Variants in OXCT1 observed in about 807,000 individuals in gnomAD.
OXCT1 encodes the protein 3-oxoacid CoA-transferase 1, also known as succinyl-CoA:3-ketoacid coenzyme A transferase 1, mitochondrial.
OXCT1 carries 27 observed loss-of-function variants against 69.6 expected under a neutral mutation model. The observed-to-expected ratio is 0.39, with a 90% CI of 0.29 to 0.54. The LOEUF (loss-of-function observed/expected upper bound fraction) is 0.54, where lower values mean the gene tolerates loss of function less well. OXCT1 is among the 20% of genes least tolerant of loss of function. OXCT1 has a pLI of 0.72. For synonymous variants in OXCT1, 202 were observed against 217.8 expected (o/e 0.93, Z 0.64); for missense variants, 437 against 650.2 (o/e 0.67, Z 3.57).
chr5:41,755,030 A>G (rs1382267038), intron 14 of OXCT1, among the ~76,000 whole-genome samples: 1 of 152,064 alleles, frequency 6.6e-6, no homozygotes, highest in African/African-American at 2.4e-5. Flanking sequence ...GTTGCGTCCT[A>G]TGATCTCTAA....
At chr5:41,731,909 C>T (rs1742652477) in intron 16 of OXCT1, 139 bp from the exon 17 acceptor site, 1 of 1,092,754 alleles carries the variant, frequency 9.2e-7, no homozygotes, top group South Asian at 1.4e-5. Context: ...ATATGATTTT[C>T]CATCCTGAAA....
intron 16 of OXCT1, among the ~76,000 whole-genome samples, chr5:41,737,289 G>A (rs1742931694): frequency 6.6e-6 from 1 of 152,210 alleles, no homozygotes; most frequent in Non-Finnish European, 1.5e-5. Context: ...CTGAAATTGA[G>A]AGGGTCTACA....
chr5:41,769,554 C>T (rs2112132489), intron 13 of OXCT1, among the ~76,000 whole-genome samples: 1 of 144,828 alleles, frequency 6.9e-6, no homozygotes, highest in South Asian at 2.3e-4. Flanking sequence ...AAGACCCTAT[C>T]TCTACCAAAA....
At chr5:41,773,999 G>T (rs1276970174) in intron 13 of OXCT1, among the ~76,000 whole-genome samples, 1 of 152,122 alleles carries the variant, frequency 6.6e-6, no homozygotes, top group Admixed American at 6.6e-5. Context: ...TAAGTGAGAG[G>T]ACTTTATTCC....
At chr5:41,789,187 T>A (rs1745795924) in intron 13 of OXCT1, among the ~76,000 whole-genome samples, 1 of 152,204 alleles carries the variant, frequency 6.6e-6, no homozygotes, top group Non-Finnish European at 1.5e-5. Flanking sequence ...ACGGTAAATA[T>A]TTTAGGCTTT....
At chr5:41,754,828 G>T (rs1487340295) in intron 14 of OXCT1, among the ~76,000 whole-genome samples, 1 of 151,894 alleles carries the variant, frequency 6.6e-6, no homozygotes, top group Non-Finnish European at 1.5e-5. Flanking sequence ...AAAAGTTTGT[G>T]GTTACAGGTA....
At chr5:41,842,324 G>A (rs1432684834) in intron 6 of OXCT1, among the ~76,000 whole-genome samples, 3 of 152,038 alleles carry the variant, frequency 2.0e-5, no homozygotes, top group Non-Finnish European at 4.4e-5. Context: ...GACAATACAT[G>A]TAAATTACAA....
intron 13 of OXCT1, among the ~76,000 whole-genome samples, chr5:41,778,043 C>T (rs1342714593): frequency 6.6e-6 from 1 of 152,176 alleles, no homozygotes; most frequent in Non-Finnish European, 1.5e-5. Flanking sequence ...ATGGCTAAAA[C>T]ATGTACTTGA....
chr5:41,860,443 A>G (rs571051441), intron 3 of OXCT1, among the ~76,000 whole-genome samples: 1 of 152,298 alleles, frequency 6.6e-6, no homozygotes, highest in South Asian at 2.1e-4. Flanking sequence ...TACTTTGAGG[A>G]TATACAACTT....
chr5:41,848,320 G>T (rs1217214340), intron 5 of OXCT1, among the ~76,000 whole-genome samples: 1 of 149,318 alleles, frequency 6.7e-6, no homozygotes, highest in African/African-American at 2.4e-5. Context: ...ATGCTCATGG[G>T]TAGGAAGAAT....
At chr5:41,781,608 C>T (rs1475746804) in intron 13 of OXCT1, among the ~76,000 whole-genome samples, 1 of 152,140 alleles carries the variant, frequency 6.6e-6, no homozygotes, top group African/African-American at 2.4e-5. Context: ...CTCTCGCTCC[C>T]CCCATACCCC....
In OXCT1 at chr5:41,731,580, C is replaced by T. The variant is rs1006964125; in HGVS notation, c.*149G>A. On this transcript the variant is annotated 3_prime_UTR_variant, in exon 17 of 17. Transcript: ENST00000196371. ...AAAATGTCACAGCATGCCTAGAGAA[C>T]AGTTTATATGGCTGCATAAAGTCTG... The T allele has an allele frequency of 3.5e-6, 4 of 1,139,844 alleles. No individual in the cohort carries two copies. In the Admixed American group the frequency reaches 7.4e-5, roughly 21 times the overall value. The allele number at this position is 1,139,844 out of a possible 1,614,324, so 70.6% of individuals were successfully genotyped here.
Position 41,733,621 on chromosome 5 carries a change from G to A in OXCT1, c.1522-1851C>T, listed in dbSNP as rs900257532. 8.5e-5 allele frequency among the ~76,000 whole-genome samples: 13 copies of A among 152,216 alleles called. 1 individual carries two copies. The South Asian group carries it at 1.2e-3, about 15-fold the overall frequency. On this transcript the variant is annotated intron_variant, in intron 16 of 16. Coordinates refer to ENST00000196371, the MANE Select transcript of OXCT1 (RefSeq NM_000436.4). ...TAGCACTTCCTTTAAAAAGAAACTG[G>A]ACACATTAATTTTTTTAACTAAACA...
intron 16 of OXCT1, among the ~76,000 whole-genome samples, chr5:41,735,124 T>A (rs1348465739): frequency 6.6e-6 from 1 of 152,188 alleles, no homozygotes; most frequent in Admixed American, 6.5e-5. Flanking sequence ...AAGCAGAATG[T>A]CAAAGAGATA....
At position 41,853,563 on chromosome 5, in the gene OXCT1, A is replaced by C; in HGVS notation, c.279-9T>G. The C allele has an allele frequency of 1.9e-6, 3 of 1,613,506 alleles. No individual in the cohort carries two copies. The highest frequency in any genetic ancestry group is 2.5e-6 in the Non-Finnish European group (3 of 1,179,628). ...AACCAAAATTGTCAACCCTAGAAGG[A>C]AAATGAAGGGAGCTTACCAAAGAGC... On this transcript the variant is annotated splice_polypyrimidine_tract_variant and intron_variant, in intron 3 of 16. Transcript: ENST00000196371.
intron 13 of OXCT1, among the ~76,000 whole-genome samples, chr5:41,765,140 C>T (rs76887696): frequency 6.6e-5 from 10 of 152,264 alleles, no homozygotes; most frequent in African/African-American, 2.4e-4. Context: ...CATCATCATC[C>T]TTCACTCCAG....
At chr5:41,778,080 A>G (rs1416913051) in intron 13 of OXCT1, among the ~76,000 whole-genome samples, 1 of 152,236 alleles carries the variant, frequency 6.6e-6, no homozygotes, top group Non-Finnish European at 1.5e-5. Flanking sequence ...AGTCTGTGTC[A>G]GGCCTTCATG....
intron 7 of OXCT1, among the ~76,000 whole-genome samples, chr5:41,834,848 A>G (rs1374512926): frequency 6.6e-6 from 1 of 152,196 alleles, no homozygotes; most frequent in Non-Finnish European, 1.5e-5. Flanking sequence ...TCATCAGATA[A>G]AAATTACTAA....
chr5:41,756,647 A>C (rs1186567832), intron 14 of OXCT1, among the ~76,000 whole-genome samples: 1 of 152,156 alleles, frequency 6.6e-6, no homozygotes, highest in African/African-American at 2.4e-5. Context: ...ATAAGGCTCT[A>C]TTCTACTCGG....
Sources: allele counts gnomAD v4.1 joint callset (sites outside exome capture counted in the v4.1 genomes callset), GRCh38; gene constraint gnomAD v4.1.1; transcripts MANE v1.5; gene names NCBI Gene and HGNC (gene_info 2026-07-23, HGNC 2026-07-21).